Variants in NREP observed in about 807,000 individuals in gnomAD.
NREP encodes neuronal regeneration-related protein.
A neutral mutation model predicts 8.6 loss-of-function variants in NREP; 5 were observed. That is an observed-to-expected ratio of 0.58 (90% CI 0.30 to 1.22). NREP has a LOEUF of 1.22. Ranked by LOEUF, NREP falls within the 50% of genes most tolerant of loss-of-function variation. NREP has a pLI of 0.07. For missense variants in NREP, 86 were observed against 82.5 expected (o/e 1.04, Z -0.17); for synonymous variants, 27 against 28.0 (o/e 0.96, Z 0.11).
chr5:111,941,274 G>T (rs1041994818), intron 2 of NREP, among the ~76,000 whole-genome samples: 1 of 152,078 alleles, frequency 6.6e-6, no homozygotes, highest in Admixed American at 6.5e-5. Flanking sequence ...AAACCTGGGT[G>T]AAAGCCCAAC....
chr5:111,772,067 CA>C (rs1751243965), intron 2 of NREP, among the ~76,000 whole-genome samples: 1 of 152,136 alleles, frequency 6.6e-6, no homozygotes, highest in South Asian at 2.1e-4. Flanking sequence ...ATCTGTAAAA[CA>C]GAGGAGTTGG....
rs1480941347 is a variant in NREP, at chr5:111,731,018, T to C, written c.110A>G (p.Asn37Ser). 1 of 1,613,858 alleles carries C rather than the reference T, an allele frequency of 6.2e-7. No homozygotes were observed. The highest frequency in any genetic ancestry group is 1.3e-5 in the African/African-American group (1 of 74,922). The part of the protein sequence containing the change: ...KGRLPVPKEV[N>S]RKKNDETNAA... ...GTTTGTCTCATCGTTCTTCTTGCGG[T>C]TCACTTCCTTTGGGACAGGAAGTCT... The change falls in exon 4 of 4, where the codon AAC (asparagine) becomes AGC (serine). Residue 37 changes from asparagine (N) to serine (S), a missense_variant. Asn to Ser is a conservative substitution (Grantham distance 46). Transcript: ENST00000257435.
chr5:111,757,822 T>G, upstream of NREP: 3 of 964,180 alleles, frequency 3.1e-6, no homozygotes, highest in Non-Finnish European at 2.5e-6. Context: ...TTCAGACAAA[T>G]AAGGAGGTGG....
At chr5:111,785,018 G>T (rs1389614385) in intron 2 of NREP, among the ~76,000 whole-genome samples, 8 of 152,102 alleles carry the variant, frequency 5.3e-5, no homozygotes, top group Non-Finnish European at 1.2e-4. Flanking sequence ...GAGTTATACA[G>T]TCATTGACTA....
intron 2 of NREP, among the ~76,000 whole-genome samples, chr5:111,951,364 T>C (rs1318215826): frequency 6.7e-6 from 1 of 150,318 alleles, no homozygotes; most frequent in Non-Finnish European, 1.5e-5. Context: ...TGATTTAGTA[T>C]TTTTTTTACA....
At chr5:111,906,991 A>T (rs1754794121) in intron 2 of NREP, among the ~76,000 whole-genome samples, 1 of 152,012 alleles carries the variant, frequency 6.6e-6, no homozygotes, top group Non-Finnish European at 1.5e-5. Flanking sequence ...CAGGGTCTCC[A>T]ACTCCTGTCT....
At chr5:111,817,671 G>A (rs890365129) in intron 2 of NREP, among the ~76,000 whole-genome samples, 1 of 151,308 alleles carries the variant, frequency 6.6e-6, no homozygotes, top group Non-Finnish European at 1.5e-5. Context: ...CGGGCGTAGT[G>A]GCGGGCGCCT....
At chr5:111,812,048 G>A (rs1752282309) in intron 2 of NREP, among the ~76,000 whole-genome samples, 1 of 152,178 alleles carries the variant, frequency 6.6e-6, no homozygotes, top group South Asian at 2.1e-4. Flanking sequence ...AGCACTTTGG[G>A]AGGCCGAGGC....
At chr5:111,917,842 T>C (rs917483987) in intron 2 of NREP, among the ~76,000 whole-genome samples, 1 of 152,140 alleles carries the variant, frequency 6.6e-6, no homozygotes, top group African/African-American at 2.4e-5. Flanking sequence ...CAACATTGTA[T>C]TGGAAGTTCT....
chr5:111,924,210 G>A (rs1354400174), intron 2 of NREP, among the ~76,000 whole-genome samples: 1 of 152,180 alleles, frequency 6.6e-6, no homozygotes, highest in Non-Finnish European at 1.5e-5. Flanking sequence ...CTAAGAAATT[G>A]AGAAGGGCCT....
chr5:111,729,225 C>A (rs574933615), downstream of NREP: 1 of 152,280 alleles, frequency 6.6e-6, no homozygotes, highest in South Asian at 2.1e-4. Flanking sequence ...TTCTGGGGCT[C>A]TGGAAACACA....
chr5:111,856,664 G>A (rs1234556659), intron 2 of NREP, among the ~76,000 whole-genome samples: 1 of 151,842 alleles, frequency 6.6e-6, no homozygotes, highest in African/African-American at 2.4e-5. Flanking sequence ...AGTGCCTACT[G>A]GTACCCTAAA....
At position 111,894,344 on chromosome 5, in the gene NREP, ATTGTT is replaced by A. The variant is rs1045946606; in HGVS notation, c.135+80925_135+80929del. ...GGCTATATTTATAATGTACAATTTT[ATTGTT>A]TTAAGGGAAAAAAACTGGCCTCTTT... On this transcript the variant is annotated intron_variant, in intron 2 of 3. Transcript: ENST00000395634. Among the ~76,000 whole-genome samples the A allele has an allele frequency of 1.1e-3, 163 of 152,192 alleles. 1 individual carries two copies. Among genetic ancestry groups the A allele is most frequent in the African/African-American group, 3.6e-3 (151 of 41,518 alleles).
At chr5:111,831,459 AT>A (rs1561684407) in intron 2 of NREP, among the ~76,000 whole-genome samples, 2 of 152,186 alleles carry the variant, frequency 1.3e-5, no homozygotes, top group East Asian at 3.9e-4. Context: ...CCACTCAACA[AT>A]GGGCTGGTTG....
intron 2 of NREP, among the ~76,000 whole-genome samples, chr5:111,897,055 T>G (rs550602758): frequency 2.0e-5 from 3 of 152,274 alleles, no homozygotes; most frequent in African/African-American, 7.2e-5. Context: ...GATTCAAACC[T>G]GGCTTTAACA....
chr5:111,749,517 T>C (rs1427735714), intron 2 of NREP, among the ~76,000 whole-genome samples: 2 of 152,214 alleles, frequency 1.3e-5, no homozygotes, highest in Non-Finnish European at 2.9e-5. Context: ...ACCACACTAC[T>C]GACTACATTA....
chr5:111,879,882 G>T (rs1754006775), intron 2 of NREP, among the ~76,000 whole-genome samples: 1 of 152,086 alleles, frequency 6.6e-6, no homozygotes, highest in South Asian at 2.1e-4. Context: ...TTCTTGTAAG[G>T]GAACCAATCT....
intron 2 of NREP, among the ~76,000 whole-genome samples, chr5:111,788,650 G>A (rs984713539): frequency 4.6e-5 from 7 of 152,180 alleles, no homozygotes; most frequent in Admixed American, 1.3e-4. Context: ...AATCTCAAAG[G>A]ACAGGCATCA....
intron 2 of NREP, among the ~76,000 whole-genome samples, chr5:111,937,264 C>T (rs1486391707): frequency 6.6e-6 from 1 of 152,064 alleles, no homozygotes; most frequent in East Asian, 1.9e-4. Flanking sequence ...GTGTAACACC[C>T]TAGAGTCCAG....
Sources: allele counts gnomAD v4.1 joint callset (sites outside exome capture counted in the v4.1 genomes callset), GRCh38; gene constraint gnomAD v4.1.1; transcripts MANE v1.5; gene names NCBI Gene and HGNC (gene_info 2026-07-23, HGNC 2026-07-21).